CDC42SE1: variants seen among roughly 807,000 people sequenced by gnomAD.
CDC42SE1 encodes CDC42 small effector 1.
CDC42SE1 carries 10 observed loss-of-function variants against 10.9 expected under a neutral mutation model. That is an observed-to-expected ratio of 0.92 (90% CI 0.57 to 1.56). The LOEUF is 1.56. Among genes scored for constraint, CDC42SE1 ranks in the 40% most tolerant of loss-of-function variants. CDC42SE1 has a pLI of 0.00. For synonymous variants in CDC42SE1, 24 were observed against 32.0 expected (o/e 0.75, Z 0.85); for missense variants, 81 against 100.8 (o/e 0.80, Z 0.84).
Position 151,055,673 on chromosome 1 carries a change from T to C in CDC42SE1, c.54+4A>G. On this transcript the variant is annotated splice_donor_region_variant and intron_variant, in intron 2 of 4. Transcript: ENST00000357235. ...GGGTTAGGATGGGGGGTGGGGAGAC[T>C]CACCGGCTGGGGTTTCTCTACCACA... 1.2e-6 allele frequency: 2 copies of C among 1,611,638 alleles called. No individual in the cohort carries two copies. Among genetic ancestry groups the C allele is most frequent in the Non-Finnish European group, 1.7e-6 (2 of 1,178,136 alleles).
At chr1:151,056,150 T>G (rs765159141) in intron 1 of CDC42SE1, among the ~76,000 whole-genome samples, 157 bp from the exon 2 acceptor site, 1 of 151,944 alleles carries the variant, frequency 6.6e-6, no homozygotes, top group Non-Finnish European at 1.5e-5. Context: ...GAACCTCAGT[T>G]TGACTCTAAA....
Position 151,054,260 on chromosome 1 carries a change from G to A in CDC42SE1, c.227C>T (p.Ser76Phe), listed in dbSNP as rs895302196. The A allele has an allele frequency of 6.8e-6, 11 of 1,612,768 alleles. No individual in the cohort carries two copies. Among genetic ancestry groups the A allele is most frequent in the African/African-American group, 1.3e-5 (1 of 74,898 alleles). ...CCATTATTGGAGCTATAAGCCCCTA[G>A]AATTGCTCCATGGCCTATCTCGGTT... ...KGNRDRPWSN[S>F]RGL The change falls in exon 4 of 5, where the codon TCT (serine) becomes TTT (phenylalanine). Residue 76 changes from serine (S) to phenylalanine (F), a missense_variant. Transcript: ENST00000357235.
Position 151,052,729 on chromosome 1 carries a change from CAG to C in CDC42SE1, c.*613_*614del, listed in dbSNP as rs1558107978. On this transcript the variant is annotated 3_prime_UTR_variant, in exon 5 of 5. Coordinates refer to ENST00000357235, the MANE Select transcript of CDC42SE1 (RefSeq NM_020239.4). ...TTGCTGGGAAGCTGGTAAACAGAAA[CAG>C]AAGATTAGAGGCCTAACTAGAAAGA... is the stretch of plus-strand genomic sequence containing the variant. The C allele has an allele frequency of 1.3e-5, 2 of 152,194 alleles. No homozygotes were observed. The highest frequency in any genetic ancestry group is 3.8e-4 in the East Asian group (2 of 5,196). 9.4% of individuals were successfully genotyped at this position (152,194 alleles called of 1,614,324 possible).
rs894428534 is a variant in CDC42SE1 at position 151,052,361 on chromosome 1, T to G, written c.*983A>C. 2 of 152,650 alleles carry G rather than the reference T, an allele frequency of 1.3e-5. No individual in the cohort carries two copies. Among genetic ancestry groups the G allele is most frequent in the Non-Finnish European group, 2.9e-5 (2 of 68,046 alleles). The allele number at this position is 152,650 out of a possible 1,614,324, so 9.5% of individuals were successfully genotyped here. A position where few individuals can be genotyped will look rare whatever the true frequency, so the allele number is the denominator to read the frequency against. ...CGTGCTGTGAGGATCTTAAGACTCCTAAACTCACAGATGATTGTTTTCAAC... is the reference window on the plus strand; with the variant it reads ...CGTGCTGTGAGGATCTTAAGACTCCGAAACTCACAGATGATTGTTTTCAAC... On this transcript the variant is annotated 3_prime_UTR_variant, in exon 5 of 5. Coordinates refer to ENST00000357235, the MANE Select transcript of CDC42SE1 (RefSeq NM_020239.4).
chr1:151,056,108 C>G, intron 1 of CDC42SE1, 115 bp from the exon 2 acceptor site: 1 of 256,340 alleles, frequency 3.9e-6, no homozygotes, highest in Non-Finnish European at 7.8e-6. Flanking sequence ...AGGCCCTAGA[C>G]CTGTACACCA....
rs1428666025 is a variant in CDC42SE1, at chr1:151,051,528, G to A, written c.*1816C>T. 2 of 151,594 alleles carry A rather than the reference G, an allele frequency of 1.3e-5. No individual in the cohort carries two copies. The highest frequency in any genetic ancestry group is 2.4e-5 in the African/African-American group (1 of 41,104). The allele number at this position is 151,594 out of a possible 1,614,324, so 9.4% of individuals were successfully genotyped here. ...TGACCCCACTACCATAAAACAGGAT[G>A]TTTCCTGTTGCAAAGCTAATGAGAC... is the stretch of plus-strand genomic sequence containing the variant. On this transcript the variant is annotated 3_prime_UTR_variant, in exon 5 of 5. Coordinates refer to ENST00000357235, the MANE Select transcript of CDC42SE1 (RefSeq NM_020239.4).
At chr1:151,054,164 G>C in intron 4 of CDC42SE1, 67 bp downstream of exon 4, 2 of 1,017,506 alleles carry the variant, frequency 2.0e-6, no homozygotes, top group Non-Finnish European at 1.5e-6. Context: ...TCAGGGTTCT[G>C]AGTCAGGGTA....
At chr1:151,054,467 T>C in intron 3 of CDC42SE1, 146 bp from the exon 4 acceptor site, 1 of 678,610 alleles carries the variant, frequency 1.5e-6, no homozygotes, top group Non-Finnish European at 2.6e-6. Context: ...TAGGGGAGTC[T>C]CAATGCCTCT....
Position 151,055,118 on chromosome 1 carries a change from C to T in CDC42SE1, c.63G>A (p.Lys21=), listed in dbSNP as rs776665993. 5.0e-6 allele frequency: 8 copies of T among 1,610,396 alleles called. No individual in the cohort carries two copies. In the Admixed American group the frequency reaches 1.3e-4, roughly 27 times the overall value. The change falls in exon 3 of 5, where the codon AAG becomes AAA. Residue 21 remains lysine, a synonymous_variant. Transcript: ENST00000357235. ...CVVEKPQPKK[K]RRRIDRTMIG... ...TCATGGTCCGGTCAATCCGTCTTCT[C>T]TTCTTCTTCTGCTTGGAGAAGATAA...
chr1:151,058,248 A>C (rs1018788223), intron 1 of CDC42SE1: 3 of 152,416 alleles, frequency 2.0e-5, no homozygotes, highest in Non-Finnish European at 4.4e-5. Flanking sequence ...GCATGAAATG[A>C]CCAATGATGA....
rs965932803 is a variant in CDC42SE1, at chr1:151,052,470, C to G, written c.*874G>C. The G allele has an allele frequency of 6.6e-6, 1 of 152,580 alleles. No homozygotes were observed. The highest frequency in any genetic ancestry group is 1.5e-5 in the Non-Finnish European group (1 of 68,038). The allele number at this position is 152,580 out of a possible 1,614,324, so 9.5% of individuals were successfully genotyped here. ...GTTCTGCCGCATTCTGGGTTTCTTT[C>G]CAGACCCCTCTTCCTCCTCTCACCT... On this transcript the variant is annotated 3_prime_UTR_variant, in exon 5 of 5. Transcript: ENST00000357235.
At chr1:151,055,275 GA>G in intron 2 of CDC42SE1, 149 bp from the exon 3 acceptor site, 1 of 633,036 alleles carries the variant, frequency 1.6e-6, no homozygotes, top group South Asian at 1.9e-5. Context: ...ACTAGGGCAT[GA>G]AAGGCAAAGC....
rs1676169972 is a variant in CDC42SE1 at position 151,051,190 on chromosome 1, A to G, written c.*2154T>C. On this transcript the variant is annotated 3_prime_UTR_variant, in exon 5 of 5. Coordinates refer to ENST00000357235, the MANE Select transcript of CDC42SE1 (RefSeq NM_020239.4). ...AATGAGGCCGAAGATCACGGTGACC[A>G]GAGATTTCTAGGAGTCTCTAACCTT... 6.6e-6 allele frequency: 1 copy of G among 151,920 alleles called. No individual in the cohort carries two copies. The highest frequency in any genetic ancestry group is 1.5e-5 in the Non-Finnish European group (1 of 68,000). The allele number at this position is 151,920 out of a possible 1,614,324, so 9.4% of individuals were successfully genotyped here. A position where few individuals can be genotyped will look rare whatever the true frequency, so the allele number is the denominator to read the frequency against.
chr1:151,057,835 C>T lies in CDC42SE1; in HGVS notation c.-264+1644G>A, dbSNP rs1676314142. 6.6e-6 allele frequency: 1 copy of T among 152,010 alleles called. No individual in the cohort carries two copies. Among genetic ancestry groups the T allele is most frequent in the Non-Finnish European group, 1.5e-5 (1 of 68,062 alleles). 9.4% of individuals were successfully genotyped at this position (152,010 alleles called of 1,614,324 possible). On this transcript the variant is annotated intron_variant, in intron 1 of 4. Coordinates refer to ENST00000357235, the MANE Select transcript of CDC42SE1 (RefSeq NM_020239.4). The surrounding 1 kb of genome is among the most constrained non-coding windows in gnomAD (Gnocchi z 4.0). Reference sequence around the variant, plus strand: ...GGGAGAACCCAGGAGGCTGGGCTTTCTCTTCTCTTCTCACCACTGGAAGGG... The same window carrying T: ...GGGAGAACCCAGGAGGCTGGGCTTTTTCTTCTCTTCTCACCACTGGAAGGG...
intron 1 of CDC42SE1, chr1:151,056,663 T>C (rs1376990346): frequency 1.3e-5 from 2 of 152,262 alleles, no homozygotes; most frequent in Admixed American, 6.5e-5. Context: ...GACCTTGAGA[T>C]CCTTCCTGAA....
At chr1:151,056,995 A>G (rs1017814274) in intron 1 of CDC42SE1, among the ~76,000 whole-genome samples, 7 of 152,186 alleles carry the variant, frequency 4.6e-5, no homozygotes, top group African/African-American at 1.7e-4. Context: ...GGAACTTTCC[A>G]ATAGTACTAG....
chr1:151,055,454 C>T, intron 2 of CDC42SE1: 2 of 606,032 alleles, frequency 3.3e-6, no homozygotes, highest in East Asian at 5.5e-5. Context: ...CCACCCAGCT[C>T]AGAATGGACA....
Position 151,055,122 on chromosome 1 carries a change from T to C in CDC42SE1, c.59A>G (p.Lys20Arg). The C allele has an allele frequency of 1.2e-6, 2 of 1,612,104 alleles. No individual in the cohort carries two copies. Among genetic ancestry groups the C allele is most frequent in the Non-Finnish European group, 1.7e-6 (2 of 1,178,722 alleles). ...GGTCCGGTCAATCCGTCTTCTCTTC[T>C]TCTTCTGCTTGGAGAAGATAAGGAG... The part of the protein sequence containing the change: ...CCVVEKPQPK[K>R]KRRRIDRTMI... The change falls in exon 3 of 5, where the codon AAG becomes AGG. Residue 20 changes from lysine (K) to arginine (R), a missense_variant. By Grantham distance (26) the Lys-to-Arg change is conservative (BLOSUM62 2). Transcript: ENST00000357235.
In CDC42SE1 at chr1:151,051,583, A is replaced by G. The variant is rs1676183417; in HGVS notation, c.*1761T>C. The G allele has an allele frequency of 6.6e-6, 1 of 152,426 alleles. No individual in the cohort carries two copies. Among genetic ancestry groups the G allele is most frequent in the Non-Finnish European group, 1.5e-5 (1 of 67,996 alleles). 9.4% of individuals were successfully genotyped at this position (152,426 alleles called of 1,614,324 possible). A position where few individuals can be genotyped will look rare whatever the true frequency, so the allele number is the denominator to read the frequency against. On this transcript the variant is annotated 3_prime_UTR_variant, in exon 5 of 5. Coordinates refer to ENST00000357235, the MANE Select transcript of CDC42SE1 (RefSeq NM_020239.4). ...CCCTTCTTGTCTCAGAGCAGGCAGG[A>G]GCTCATCTGTCTTGTTCTGCCTTCC...
Sources: allele counts gnomAD v4.1 joint callset (sites outside exome capture counted in the v4.1 genomes callset), GRCh38; gene constraint gnomAD v4.1.1; non-coding constraint Gnocchi (gnomAD v3.1); transcripts MANE v1.5; gene names NCBI Gene and HGNC (gene_info 2026-07-23, HGNC 2026-07-21).